PABPC4L: variants seen among roughly 807,000 people sequenced by gnomAD.
PABPC4L encodes the protein poly(A) binding protein cytoplasmic 4 like, also known as polyadenylate-binding protein 4-like.
For missense variants in PABPC4L, 452 were observed against 451.4 expected, an observed-to-expected ratio of 1.00 and a Z score of -0.01; for synonymous variants, 169 against 164.1, an observed-to-expected ratio of 1.03 and a Z score of -0.23.
the PABPC4L span, among the ~76,000 whole-genome samples, chr4:134,184,038 T>C: frequency 0.011 from 1,735 of 151,870 alleles, 14 homozygotes; most frequent in South Asian, 0.018. Flanking sequence ...CAAGACAATC[T>C]TAAGTAAGAA....
At chr4:134,133,726 C>G in the PABPC4L span, among the ~76,000 whole-genome samples, 1 of 151,706 alleles carries the variant, frequency 6.6e-6, no homozygotes. Context: ...AGACTATACA[C>G]TGGGTACAGG....
At chr4:133,988,978 T>C in the PABPC4L span, among the ~76,000 whole-genome samples, 3 of 152,156 alleles carry the variant, frequency 2.0e-5, no homozygotes, top group African/African-American at 7.2e-5. Context: ...GCTTGCACCC[T>C]CTGAAGCAGT....
the PABPC4L span, among the ~76,000 whole-genome samples, chr4:134,137,733 G>A: frequency 5.9e-5 from 9 of 151,730 alleles, no homozygotes; most frequent in Non-Finnish European, 1.2e-4. Flanking sequence ...CTGTATGTTC[G>A]TAGTTCCATC....
chr4:134,010,895 A>G, the PABPC4L span, among the ~76,000 whole-genome samples: 3 of 152,142 alleles, frequency 2.0e-5, no homozygotes, highest in Non-Finnish European at 4.4e-5. Flanking sequence ...ATCTGTTTAG[A>G]CAGCCCTTTA....
At chr4:133,957,355 C>A in the PABPC4L span, among the ~76,000 whole-genome samples, 2 of 152,248 alleles carry the variant, frequency 1.3e-5, no homozygotes, top group East Asian at 3.9e-4. Context: ...CCTTTGACAC[C>A]ATGTCTCACA....
chr4:134,031,129 G>T, the PABPC4L span, among the ~76,000 whole-genome samples: 1 of 151,700 alleles, frequency 6.6e-6, no homozygotes, highest in Non-Finnish European at 1.5e-5. Flanking sequence ...TAACAAGAAG[G>T]TTTTTTTCCC....
At chr4:134,029,336 GA>G in the PABPC4L span, among the ~76,000 whole-genome samples, 2 of 152,004 alleles carry the variant, frequency 1.3e-5, no homozygotes, top group Non-Finnish European at 2.9e-5. Flanking sequence ...TTGTGCTTGG[GA>G]GGGGTGAGCA....
chr4:134,107,132 T>C, the PABPC4L span, among the ~76,000 whole-genome samples: 1 of 151,398 alleles, frequency 6.6e-6, no homozygotes, highest in Admixed American at 6.6e-5. Context: ...AATTTTTTTT[T>C]CCTTTTTGTT....
chr4:134,018,104 T>C, the PABPC4L span, among the ~76,000 whole-genome samples: 1 of 152,100 alleles, frequency 6.6e-6, no homozygotes, highest in East Asian at 1.9e-4. Context: ...TGTTCCTGCC[T>C]TAACTGATGA....
chr4:134,164,087 C>A, the PABPC4L span, among the ~76,000 whole-genome samples: 5 of 150,626 alleles, frequency 3.3e-5, no homozygotes, highest in Admixed American at 2.6e-4. Context: ...AATGGTGAAA[C>A]CCCGTCTCTA....
the PABPC4L span, among the ~76,000 whole-genome samples, chr4:134,024,142 T>C: frequency 6.6e-6 from 1 of 152,134 alleles, no homozygotes; most frequent in East Asian, 1.9e-4. Flanking sequence ...CTGGTCTCTG[T>C]TTCTCCAGGT....
the PABPC4L span, among the ~76,000 whole-genome samples, chr4:134,144,354 A>G: frequency 6.6e-6 from 1 of 151,568 alleles, no homozygotes; most frequent in Non-Finnish European, 1.5e-5. Flanking sequence ...TGGATTTTCA[A>G]TAGGCAAACA....
At chr4:133,970,734 T>C in the PABPC4L span, among the ~76,000 whole-genome samples, 2 of 151,984 alleles carry the variant, frequency 1.3e-5, no homozygotes, top group Admixed American at 1.3e-4. Context: ...GGTGATTAGG[T>C]CATGAGAGCA....
At chr4:134,102,341 T>C in the PABPC4L span, among the ~76,000 whole-genome samples, 1 of 151,456 alleles carries the variant, frequency 6.6e-6, no homozygotes, top group Non-Finnish European at 1.5e-5. Flanking sequence ...GCTATGAAAC[T>C]AAAAACTGAT....
At chr4:133,992,418 G>A in the PABPC4L span, among the ~76,000 whole-genome samples, 1 of 152,210 alleles carries the variant, frequency 6.6e-6, no homozygotes, top group South Asian at 2.1e-4. Flanking sequence ...TTGCCCTTAT[G>A]TAGCCATAAT....
At chr4:134,125,390 C>CATATGTATA in the PABPC4L span, among the ~76,000 whole-genome samples, 3 of 151,904 alleles carry the variant, frequency 2.0e-5, no homozygotes, top group African/African-American at 4.8e-5. Context: ...TATACATGTG[C>CATATGTATA]CATGCTGTTG....
chr4:134,078,032 A>C, the PABPC4L span, among the ~76,000 whole-genome samples: 47 of 152,332 alleles, frequency 3.1e-4, no homozygotes, highest in East Asian at 7.1e-3. Context: ...ATATTTAAAA[A>C]ATCAAACTAT....
the PABPC4L span, among the ~76,000 whole-genome samples, chr4:133,952,262 C>G: frequency 6.6e-6 from 1 of 152,056 alleles, no homozygotes; most frequent in Admixed American, 6.5e-5. Context: ...TGGCTTTCTC[C>G]CAGTTATGAG....
At chr4:134,056,351 A>C in the PABPC4L span, among the ~76,000 whole-genome samples, 2 of 152,018 alleles carry the variant, frequency 1.3e-5, no homozygotes, top group African/African-American at 2.4e-5. Flanking sequence ...ATATTAAAAT[A>C]GTTTATATCT....
Sources: allele counts gnomAD v4.1 joint callset (sites outside exome capture counted in the v4.1 genomes callset), GRCh38; gene constraint gnomAD v4.1.1; transcripts MANE v1.5; gene names NCBI Gene and HGNC (gene_info 2026-07-23, HGNC 2026-07-21).